Variants in TRMT44 observed in about 807,000 individuals in gnomAD.
TRMT44 encodes tRNA methyltransferase 44 homolog.
In TRMT44, 78 loss-of-function variants were observed where a neutral mutation model predicts 77.3. That is an observed-to-expected ratio of 1.01 (90% CI 0.84 to 1.22). The LOEUF is 1.22. TRMT44 is among the 50% of genes most tolerant of loss of function. TRMT44 has a pLI of 0.00. For synonymous variants in TRMT44, 391 were observed against 383.3 expected, an observed-to-expected ratio of 1.02 and a Z score of -0.23; for missense variants, 1,090 against 964.4, an observed-to-expected ratio of 1.13 and a Z score of -1.73.
chr4:8,496,497 G>A (rs1728155342), downstream of TRMT44, among the ~76,000 whole-genome samples: 1 of 152,184 alleles, frequency 6.6e-6, no homozygotes, highest in Non-Finnish European at 1.5e-5. Flanking sequence ...CCCCATGCAG[G>A]AGCTCAACCA....
In TRMT44 at chr4:8,475,609, G is replaced by A. The variant is rs140832687; in HGVS notation, c.2045-163G>A. 2.9e-4 allele frequency among the ~76,000 whole-genome samples: 44 copies of A among 152,324 alleles called. No individual in the cohort carries two copies. Among genetic ancestry groups the A allele is most frequent in the Middle Eastern group, 6.8e-3 (2 of 294 alleles). On this transcript the variant is annotated intron_variant, in intron 10 of 10. Coordinates refer to ENST00000389737, the MANE Select transcript of TRMT44 (RefSeq NM_152544.3). The stretch of plus-strand genomic sequence containing the variant: ...ATCCCATACCTCAGTCACTCCCACT[G>A]GAGGCAGACTCACTGTGACCAGCAG...
rs17807929 is a variant in TRMT44 at position 8,446,135 on chromosome 4, C to T, written c.620-341C>T. Among the ~76,000 whole-genome samples the T allele has an allele frequency of 0.027, 4,168 of 152,324 alleles. 70 individuals carry two copies. The highest frequency in any genetic ancestry group is 0.04 in the South Asian group (194 of 4,832). ...CTCACACTCGAAGATCATGGTCAGGCTGTGGCAGACACTCAGTTAGGGCAG... is the reference window on the plus strand; with the variant it reads ...CTCACACTCGAAGATCATGGTCAGGTTGTGGCAGACACTCAGTTAGGGCAG... On this transcript the variant is annotated intron_variant, in intron 1 of 10. Coordinates refer to ENST00000389737, the MANE Select transcript of TRMT44 (RefSeq NM_152544.3). This position sits in a 1 kb window ranked among gnomAD's most constrained non-coding sequence, Gnocchi z 4.3.
chr4:8,491,461 G>A (rs954312731), intron 2 of TRMT44, among the ~76,000 whole-genome samples: 1 of 152,254 alleles, frequency 6.6e-6, no homozygotes, highest in African/African-American at 2.4e-5. Context: ...GGAGCAGGGG[G>A]TGGTGCTCGT....
At chr4:8,497,422 G>A (rs1459972057), downstream of TRMT44, among the ~76,000 whole-genome samples, 1 of 152,132 alleles carries the variant, frequency 6.6e-6, no homozygotes, top group East Asian at 1.9e-4. Context: ...GAGGCGGGTG[G>A]ATCACAAGGT....
At chr4:8,505,278 C>A in the TRMT44 span, among the ~76,000 whole-genome samples, 1 of 152,202 alleles carries the variant, frequency 6.6e-6, no homozygotes, top group African/African-American at 2.4e-5. Flanking sequence ...GAGGCTGCAG[C>A]CCCTGAGGAG....
Position 8,468,136 on chromosome 4 carries a change from G to T in TRMT44, c.1717G>T (p.Ala573Ser), listed in dbSNP as rs532797174. 3 of 1,613,800 alleles carry T rather than the reference G, an allele frequency of 1.9e-6. No homozygotes were observed. The highest frequency in any genetic ancestry group is 2.5e-6 in the Non-Finnish European group (3 of 1,179,982). Residue 573 changes from alanine (A) to serine (S), a missense_variant, in exon 9 of 11, where the codon GCT (alanine) becomes TCT (serine). By Grantham distance (99) the Ala-to-Ser change is moderately conservative. Transcript: ENST00000389737. The stretch of plus-strand genomic sequence containing the variant: ...CGGGTGTGTAACCAGGGCCTGGGCC[G>T]CTGAGCATGGAGCAGGGCCCCAGGC... Reference protein sequence around the residue: ...RVGCVTRAWAAEHGAGPQAEG... With the variant: ...RVGCVTRAWASEHGAGPQAEG...
chr4:8,482,616 G>A (rs980614615), intron 2 of TRMT44, among the ~76,000 whole-genome samples: 2 of 152,262 alleles, frequency 1.3e-5, no homozygotes, highest in Non-Finnish European at 2.9e-5. Flanking sequence ...GCTCAGTGGA[G>A]GTGCTTTTTG....
At chr4:8,493,726 C>T (rs987896710), downstream of TRMT44, among the ~76,000 whole-genome samples, 2 of 151,990 alleles carry the variant, frequency 1.3e-5, no homozygotes, top group Non-Finnish European at 2.9e-5. Flanking sequence ...ATCCTTTTGG[C>T]CTCCACTTTC....
Position 8,449,809 on chromosome 4 carries a change from G to T in TRMT44, c.875G>T (p.Ser292Ile), listed in dbSNP as rs754176871. The T allele has an allele frequency of 2.5e-5, 38 of 1,535,784 alleles. No homozygotes were observed. In the African/African-American group the frequency reaches 4.7e-4, roughly 19 times the overall value. ...GAGAACAAGAAGAGTGACTTTAAAA[G>T]CACCCTTTCCCTCATCTCCATTATG... is the stretch of plus-strand genomic sequence containing the variant. ...SVENKKSDFK[S>I]TLSLISIMKY... Residue 292 changes from serine to isoleucine, a missense_variant, in exon 3 of 11, where the codon AGC (serine) becomes ATC (isoleucine). Ser to Ile is a moderately radical substitution (Grantham distance 142). Coordinates refer to ENST00000389737, the MANE Select transcript of TRMT44 (RefSeq NM_152544.3).
chr4:8,448,408 C>A (rs1048674627), intron 2 of TRMT44, among the ~76,000 whole-genome samples: 4 of 152,138 alleles, frequency 2.6e-5, no homozygotes, highest in African/African-American at 9.7e-5. Context: ...AGGACTGTGT[C>A]CCCTCAATAG....
chr4:8,449,284 A>G (rs1166170179), intron 2 of TRMT44, among the ~76,000 whole-genome samples: 1 of 152,264 alleles, frequency 6.6e-6, no homozygotes, highest in African/African-American at 2.4e-5. Context: ...GCAAGTAGCT[A>G]TTCGGTGAGC....
chr4:8,478,228 C>T (rs1727486757), downstream of TRMT44: 2 of 152,780 alleles, frequency 1.3e-5, no homozygotes, highest in African/African-American at 4.8e-5. Context: ...AAGATGAGCT[C>T]CCCAACACTT....
At position 8,440,913 on chromosome 4, in the gene TRMT44, C is replaced by T; in HGVS notation, c.91C>T (p.Pro31Ser). The T allele has an allele frequency of 6.5e-7, 1 of 1,530,504 alleles. No homozygotes were observed. The highest frequency in any genetic ancestry group is 8.7e-7 in the Non-Finnish European group (1 of 1,145,526). 94.8% of individuals were successfully genotyped at this position (1,530,504 alleles called of 1,614,324 possible). A position where few individuals can be genotyped will look rare whatever the true frequency, so the allele number is the denominator to read the frequency against. ...WAAVEVWLER[P>S]QVANKRLCGA... ...TGCGGTCGAAGTGTGGCTGGAGAGG[C>T]CGCAGGTGGCAAACAAACGGCTTTG... The change falls in exon 1 of 11, where the codon CCG becomes TCG. Residue 31 changes from proline to serine, a missense_variant. Pro to Ser is a moderately conservative substitution (Grantham distance 74). Transcript: ENST00000389737.
rs1205410394 is a variant in TRMT44, at chr4:8,475,976, C to T, written c.2249C>T (p.Thr750Ile). 1 of 1,614,020 alleles carries T rather than the reference C, an allele frequency of 6.2e-7. No individual in the cohort carries two copies. The highest frequency in any genetic ancestry group is 1.7e-5 in the Admixed American group (1 of 60,012). ...HGPAELRPPRTTPRKKIS is the reference protein window; with the variant it reads ...HGPAELRPPRITPRKKIS Reference sequence around the variant, plus strand: ...CCTGCGGAGCTGCGGCCACCCCGGACCACCCCGAGGAAGAAGATTTCATGA... The same window carrying T: ...CCTGCGGAGCTGCGGCCACCCCGGATCACCCCGAGGAAGAAGATTTCATGA... Residue 750 changes from threonine (T) to isoleucine (I), a missense_variant, in exon 11 of 11, where the codon ACC becomes ATC. By Grantham distance (89) the Thr-to-Ile change is moderately conservative. Transcript: ENST00000389737.
chr4:8,471,067 A>G lies in TRMT44; in HGVS notation c.1928-17A>G. 6.4e-7 allele frequency: 1 copy of G among 1,563,824 alleles called. No individual in the cohort carries two copies. Among genetic ancestry groups the G allele is most frequent in the Non-Finnish European group, 8.6e-7 (1 of 1,156,524 alleles). ...TTGCTGTTGTTTTGGGGAAAAAAAA[A>G]ACCCGTTTTTCCACAGAGAGCCTAT... On this transcript the variant is annotated splice_polypyrimidine_tract_variant and intron_variant, in intron 9 of 10. Coordinates refer to ENST00000389737, the MANE Select transcript of TRMT44 (RefSeq NM_152544.3).
the TRMT44 span, among the ~76,000 whole-genome samples, chr4:8,499,300 C>T: frequency 1.3e-5 from 2 of 152,072 alleles, no homozygotes; most frequent in Admixed American, 6.5e-5. Flanking sequence ...TGCCCTGGGC[C>T]GTGTCTCTAA....
chr4:8,500,262 C>T, the TRMT44 span, among the ~76,000 whole-genome samples: 23 of 152,200 alleles, frequency 1.5e-4, no homozygotes, highest in South Asian at 2.7e-3. Flanking sequence ...GAGGCTGAGG[C>T]GGGTGGATCA....
rs1007787955 is a variant in TRMT44 at position 8,465,501 on chromosome 4, G to T, written c.1434G>T (p.Val478=). The stretch of plus-strand genomic sequence containing the variant: ...AATACCTTGACTTCATTAAAGAAGT[G>T]GGCTTCACCTGTGGGTTTCACGTGG... ...YREYLDFIKE[V]GFTCGFHVDE... The change falls in exon 8 of 11, where the codon GTG becomes GTT. Residue 478 remains valine (V), a synonymous_variant. Coordinates refer to ENST00000389737, the MANE Select transcript of TRMT44 (RefSeq NM_152544.3). 6 of 1,614,112 alleles carry T rather than the reference G, an allele frequency of 3.7e-6. No homozygotes were observed. The highest frequency in any genetic ancestry group is 4.2e-6 in the Non-Finnish European group (5 of 1,180,000).
chr4:8,465,182 C>T (rs1726443405), intron 7 of TRMT44, among the ~76,000 whole-genome samples, 196 bp from the exon 8 acceptor site: 1 of 152,156 alleles, frequency 6.6e-6, no homozygotes, highest in South Asian at 2.1e-4. Flanking sequence ...TACACCCATG[C>T]CACAAACCTG....
Sources: gnomAD v4.1 joint callset for allele counts (sites outside exome capture counted in the v4.1 genomes callset) on GRCh38, gnomAD v4.1.1 for gene constraint, Gnocchi (gnomAD v3.1) non-coding constraint, MANE v1.5 for transcripts, NCBI Gene and HGNC (gene_info 2026-07-23, HGNC 2026-07-21) for gene names.